UNKL: variants seen among roughly 807,000 people sequenced by gnomAD.
The protein encoded by UNKL is putative E3 ubiquitin-protein ligase UNKL.
A neutral mutation model predicts 78.0 loss-of-function variants in UNKL; 60 were observed. The ratio of observed to expected loss-of-function variants is 0.77; its 90% CI spans 0.63 to 0.95. The LOEUF (loss-of-function observed/expected upper bound fraction) is 0.95, where lower values mean the gene tolerates loss of function less well. Among genes scored for constraint, UNKL ranks in the 40% least tolerant of loss-of-function variants. The probability of loss-of-function intolerance (pLI) is 0.00; values close to 1 mark genes in which losing one functional copy is unlikely to be tolerated. For synonymous variants in UNKL, 608 were observed against 474.8 expected, an observed-to-expected ratio of 1.28 and a Z score of -3.65; for missense variants, 1,159 against 1,045.7, an observed-to-expected ratio of 1.11 and a Z score of -1.49.
At chr16:1,381,738 G>A (rs2036614629) in intron 10 of UNKL, among the ~76,000 whole-genome samples, 2 of 152,198 alleles carry the variant, frequency 1.3e-5, no homozygotes, top group Admixed American at 6.5e-5. Flanking sequence ...AAGATCCAGG[G>A]CCCTGGATTA....
At chr16:1,394,611 A>T (rs1830065689) in intron 6 of UNKL, 1 of 428,532 alleles carries the variant, frequency 2.3e-6, no homozygotes, top group Non-Finnish European at 4.7e-6. Context: ...ACCTAGGGTG[A>T]CAGCCCCTCT....
In UNKL at chr16:1,363,774, G is replaced by T. The variant is rs2035022883; in HGVS notation, c.*2466C>A. On this transcript the variant is annotated 3_prime_UTR_variant, in exon 15 of 15. Transcript: ENST00000389221. ...CTTGCCCCCATTTCCAACCCTGGCA[G>T]CGCTGCCAGCCATTCTTTGGTCTTC... 6.3e-6 allele frequency: 1 copy of T among 158,962 alleles called. No homozygotes were observed. The highest frequency in any genetic ancestry group is 1.4e-5 in the Non-Finnish European group (1 of 72,194). The allele number at this position is 158,962 out of a possible 1,614,324, so 9.8% of individuals were successfully genotyped here.
Position 1,370,207 on chromosome 16 carries a change from G to T in UNKL, c.1508C>A (p.Thr503Lys). ...LPGPVGSSAM[T>K]PPQQPPPLRS... ...CAGGGGTGGCGGCTGCTGGGGAGGC[G>T]TCATGGCTGAGGAGCCCACCGGCCC... is the stretch of plus-strand genomic sequence containing the variant. The change falls in exon 12 of 15, where the codon ACG (threonine) becomes AAG (lysine). Residue 503 changes from threonine to lysine, a missense_variant. Transcript: ENST00000389221. 6.5e-7 allele frequency: 1 copy of T among 1,527,072 alleles called. No homozygotes were observed. 94.6% of individuals were successfully genotyped at this position (1,527,072 alleles called of 1,614,324 possible). A position where few individuals can be genotyped will look rare whatever the true frequency, so the allele number is the denominator to read the frequency against.
At position 1,387,685 on chromosome 16, in the gene UNKL, G is replaced by A. The variant is rs2036867881; in HGVS notation, c.1087-2300C>T. On this transcript the variant is annotated intron_variant, in intron 9 of 14. Coordinates refer to ENST00000389221, the MANE Select transcript of UNKL (RefSeq NM_001372107.1). The surrounding 1 kb of genome is among the most constrained non-coding windows in gnomAD (Gnocchi z 4.1). ...TCACTCAGAACCAAAAGCTCAGGAT[G>A]GCAACGCACGGCCCTCCGGGGACGT... Among the ~76,000 whole-genome samples the A allele has an allele frequency of 6.6e-6, 1 of 152,144 alleles. No individual in the cohort carries two copies. The highest frequency in any genetic ancestry group is 2.1e-4 in the South Asian group (1 of 4,832).
intron 8 of UNKL, among the ~76,000 whole-genome samples, chr16:1,391,239 TACAC>T (rs142620901): frequency 0.014 from 145 of 10,334 alleles, no homozygotes; most frequent in Admixed American, 0.04. Flanking sequence ...CCCTTAAAGA[TACAC>T]ACACACACAC....
chr16:1,400,025 C>T (rs550486559), intron 4 of UNKL, among the ~76,000 whole-genome samples: 21 of 152,210 alleles, frequency 1.4e-4, no homozygotes, highest in African/African-American at 4.8e-4. Context: ...AGGTGCACGG[C>T]AGGGGAGGCT....
intron 2 of UNKL, chr16:1,406,063 C>A (rs529766968): frequency 4.4e-6 from 2 of 456,732 alleles, no homozygotes; most frequent in Non-Finnish European, 4.4e-6. Flanking sequence ...TCCCAGGGAA[C>A]GTGCGAGAAC....
chr16:1,366,148 C>A lies in UNKL; in HGVS notation c.*92G>T. On this transcript the variant is annotated 3_prime_UTR_variant, in exon 15 of 15. Transcript: ENST00000389221. ...GGGCTCCCAGCCTCGGTCCTCACGTCGGTGGCACCAGAAGCGAGTGACGAC... is the reference window on the plus strand; with the variant it reads ...GGGCTCCCAGCCTCGGTCCTCACGTAGGTGGCACCAGAAGCGAGTGACGAC... The A allele has an allele frequency of 7.3e-7, 1 of 1,364,056 alleles. No individual in the cohort carries two copies. Among genetic ancestry groups the A allele is most frequent in the Admixed American group, 2.9e-5 (1 of 34,108 alleles). The allele number at this position is 1,364,056 out of a possible 1,614,324, so 84.5% of individuals were successfully genotyped here.
chr16:1,383,272 CA>C (rs527382927), intron 10 of UNKL, among the ~76,000 whole-genome samples: 1,281 of 65,290 alleles, frequency 0.02, 15 homozygotes, highest in African/African-American at 0.064. Flanking sequence ...AACTCCGTCT[CA>C]AAAAAAAAAA....
At chr16:1,391,160 T>TACACACAC (rs59407356) in intron 8 of UNKL, among the ~76,000 whole-genome samples, 67 of 144,732 alleles carry the variant, frequency 4.6e-4, no homozygotes, top group African/African-American at 1.6e-3. Context: ...CAAAAAAAAA[T>TACACACAC]ACACACACAC....
In UNKL at chr16:1,363,916, C is replaced by G. The variant is rs918420916; in HGVS notation, c.*2324G>C. The G allele has an allele frequency of 6.6e-6, 1 of 152,392 alleles. No individual in the cohort carries two copies. The allele number at this position is 152,392 out of a possible 1,614,324, so 9.4% of individuals were successfully genotyped here. On this transcript the variant is annotated 3_prime_UTR_variant, in exon 15 of 15. Coordinates refer to ENST00000389221, the MANE Select transcript of UNKL (RefSeq NM_001372107.1). ...CAGCTCTACCACCCCGGAAGCTGAG[C>G]CCTGGAGACACCCTGAGGGGCGGGC...
chr16:1,394,426 CAT>C (rs747392623), intron 6 of UNKL: 9 of 697,038 alleles, frequency 1.3e-5, no homozygotes, highest in South Asian at 4.5e-5. Context: ...AACACGCACA[CAT>C]GTGGGGCCAT....
chr16:1,374,221 C>A (rs887717907), intron 10 of UNKL, among the ~76,000 whole-genome samples: 2 of 152,126 alleles, frequency 1.3e-5, no homozygotes, highest in African/African-American at 4.8e-5. Context: ...GGGACTGTTG[C>A]GCAGGCGCCC....
chr16:1,367,195 G>A lies in UNKL; in HGVS notation c.1943C>T (p.Thr648Ile), dbSNP rs772902862. The A allele has an allele frequency of 3.7e-6, 6 of 1,605,808 alleles. No individual in the cohort carries two copies. The East Asian group carries it at 8.9e-5, about 24-fold the overall frequency. The change falls in exon 14 of 15, where the codon ACA (threonine) becomes ATA (isoleucine). Residue 648 changes from threonine (T) to isoleucine (I), a missense_variant. Physicochemically the swap from Thr to Ile is moderately conservative, Grantham distance 89. Coordinates refer to ENST00000389221, the MANE Select transcript of UNKL (RefSeq NM_001372107.1). ...EELEGLGVAS[T>I]LPGLRGCGDI... Reference sequence around the variant, plus strand: ...CCCACAGCCCCGCAGCCCCGGCAGTGTGGAGGCTACGCCCAGGCCCTCCAG... The same window carrying A: ...CCCACAGCCCCGCAGCCCCGGCAGTATGGAGGCTACGCCCAGGCCCTCCAG...
intron 2 of UNKL, chr16:1,412,139 AAGT>A (rs1223740859): frequency 2.0e-5 from 3 of 152,234 alleles, no homozygotes; most frequent in African/African-American, 7.2e-5. Flanking sequence ...CACAGGAAGC[AAGT>A]AGAACCTGAT....
chr16:1,366,348 C>T lies in UNKL; in HGVS notation c.2094G>A (p.Arg698=), dbSNP rs1445118888. The T allele has an allele frequency of 1.2e-6, 2 of 1,604,502 alleles. No individual in the cohort carries two copies. The highest frequency in any genetic ancestry group is 1.7e-6 in the Non-Finnish European group (2 of 1,176,092). Reference sequence around the variant, plus strand: ...AGGGCCGCAGGACAGCACCGTGGGCCCGCTCCCGGCAGGCCACACACTGCT... The same window carrying T: ...AGGGCCGCAGGACAGCACCGTGGGCTCGCTCCCGGCAGGCCACACACTGCT... ...RAKQCVACRE[R]AHGAVLRPCQ... Residue 698 remains arginine, a synonymous_variant, in exon 15 of 15, where the codon CGG becomes CGA. Transcript: ENST00000389221.
At chr16:1,397,145 G>A (rs1442717134) in intron 6 of UNKL, 33 bp downstream of exon 6, 25 of 1,538,482 alleles carry the variant, frequency 1.6e-5, no homozygotes, top group Middle Eastern at 2.1e-4. Context: ...ACCTTCCAGC[G>A]ACCCCTACGC....
At chr16:1,408,299 G>A (rs908580420) in intron 2 of UNKL, among the ~76,000 whole-genome samples, 1 of 152,102 alleles carries the variant, frequency 6.6e-6, no homozygotes, top group Middle Eastern at 3.4e-3. Context: ...CCACGGGGGC[G>A]GGGCTTCACA....
At position 1,371,737 on chromosome 16, in the gene UNKL, G is replaced by C; in HGVS notation, c.1265-126C>G. ...ACCAAGGGCAGAAGGCGTGGGAGTT[G>C]CTGGGGCAGCCAGGGAAGGACACCC... On this transcript the variant is annotated intron_variant, in intron 10 of 14. Coordinates refer to ENST00000389221, the MANE Select transcript of UNKL (RefSeq NM_001372107.1). The C allele has an allele frequency of 3.0e-6, 3 of 984,586 alleles. No individual in the cohort carries two copies. The Middle Eastern group carries it at 6.7e-4, about 220-fold the overall frequency. 61.0% of individuals were successfully genotyped at this position (984,586 alleles called of 1,614,324 possible).
Sources: allele counts gnomAD v4.1 joint callset (sites outside exome capture counted in the v4.1 genomes callset), GRCh38; gene constraint gnomAD v4.1.1; non-coding constraint Gnocchi (gnomAD v3.1); transcripts MANE v1.5; gene names NCBI Gene and HGNC (gene_info 2026-07-23, HGNC 2026-07-21).